Variants in ZNF385D observed in about 807,000 individuals in gnomAD.
ZNF385D encodes the protein zinc finger protein 659.
Under a neutral mutation model 35.8 loss-of-function variants are expected in ZNF385D, and 15 were observed. The ratio of observed to expected loss-of-function variants is 0.42; its 90% CI spans 0.28 to 0.64. The LOEUF (loss-of-function observed/expected upper bound fraction) is 0.64, where lower values mean the gene tolerates loss of function less well. Ranked by LOEUF, ZNF385D falls within the 30% of genes least tolerant of loss-of-function variation. ZNF385D has a pLI of 0.23. For synonymous variants in ZNF385D, 212 were observed against 186.8 expected, an observed-to-expected ratio of 1.13 and a Z score of -1.10; for missense variants, 474 against 494.6, an observed-to-expected ratio of 0.96 and a Z score of 0.39.
chr3:22,000,090 G>T (rs565804132), intron 3 of ZNF385D, among the ~76,000 whole-genome samples: 2 of 152,216 alleles, frequency 1.3e-5, no homozygotes, highest in South Asian at 4.1e-4. Flanking sequence ...CAGATCATGA[G>T]CTCAGGAGAT....
rs79051219 is a variant in ZNF385D at position 22,135,760 on chromosome 3, T to C, written c.325+33057A>G. ...ATAGAACTACAGTAATTGGCCATTG[T>C]AGTTTTGGTAAAAAAGTATAGACAC... On this transcript the variant is annotated intron_variant, in intron 3 of 5. Coordinates refer to the ZNF385D transcript ENST00000494108. Among the ~76,000 whole-genome samples the C allele has an allele frequency of 3.9e-5, 6 of 152,312 alleles. No homozygotes were observed. The East Asian group carries it at 1.2e-3, about 29-fold the overall frequency.
chr3:21,495,968 G>A (rs773661316), intron 4 of ZNF385D, among the ~76,000 whole-genome samples: 1 of 151,922 alleles, frequency 6.6e-6, no homozygotes, highest in African/African-American at 2.4e-5. Context: ...TAAATTCCTG[G>A]AAACATACAA....
At chr3:21,981,482 T>G (rs1038246179) in intron 3 of ZNF385D, among the ~76,000 whole-genome samples, 31 of 152,194 alleles carry the variant, frequency 2.0e-4, no homozygotes, top group African/African-American at 7.5e-4. Flanking sequence ...GTCAGATGCA[T>G]AGTTGGCAAA....
intron 3 of ZNF385D, among the ~76,000 whole-genome samples, chr3:21,782,887 G>C (rs923652476): frequency 2.0e-5 from 3 of 152,052 alleles, no homozygotes; most frequent in African/African-American, 7.2e-5. Flanking sequence ...ACTTAACCTG[G>C]TTATATCACA....
chr3:22,107,093 TG>T (rs1702262780), intron 3 of ZNF385D, among the ~76,000 whole-genome samples: 1 of 147,982 alleles, frequency 6.8e-6, no homozygotes, highest in African/African-American at 2.5e-5. Context: ...GGAGTGATCT[TG>T]GTTCACCACA....
chr3:21,974,417 A>T (rs963096771), intron 3 of ZNF385D, among the ~76,000 whole-genome samples: 1 of 152,156 alleles, frequency 6.6e-6, no homozygotes, highest in African/African-American at 2.4e-5. Context: ...AAATACAAAA[A>T]TCATACCAAA....
At position 21,711,039 on chromosome 3, in the gene ZNF385D, G is replaced by GTTTTTTTTTTTTTTTTT. The variant is rs869252663; in HGVS notation, c.22+39839_22+39855dup. Among the ~76,000 whole-genome samples, 212 of 83,132 alleles carry GTTTTTTTTTTTTTTTTT rather than the reference G, an allele frequency of 2.6e-3. 41 individuals carry two copies. The highest frequency in any genetic ancestry group is 7.2e-3 in the African/African-American group (140 of 19,484). The allele number at this position is 83,132 out of a possible 152,430, so 54.5% of individuals were successfully genotyped here. On this transcript the variant is annotated intron_variant, in intron 1 of 7. Transcript: ENST00000281523. ...TCTTAATTTCCTTATCCCTCTAAAA[G>GTTTTTTTTTTTTTTTTT]TTTTTTTTTTTTTTTTTTTTGAGAT... is the stretch of plus-strand genomic sequence containing the variant.
chr3:22,290,920 G>A (rs1461255159), intron 2 of ZNF385D, among the ~76,000 whole-genome samples: 2 of 152,064 alleles, frequency 1.3e-5, no homozygotes, highest in African/African-American at 4.8e-5. Flanking sequence ...TAATCAATAT[G>A]TATATTTTTG....
Position 21,465,167 on chromosome 3 carries a change from G to A in ZNF385D, c.440-27964C>T, listed in dbSNP as rs565787674. ...ATTTCTTTGCACGTAAGTTTTCACT[G>A]TGCCCTTGAACACAGTGAAAATTTA... On this transcript the variant is annotated intron_variant, in intron 4 of 7. Coordinates refer to ENST00000281523, the MANE Select transcript of ZNF385D (RefSeq NM_024697.3). This position sits in a 1 kb window ranked among gnomAD's most constrained non-coding sequence, Gnocchi z 4.2. Among the ~76,000 whole-genome samples the A allele has an allele frequency of 6.6e-6, 1 of 151,956 alleles. No individual in the cohort carries two copies. The highest frequency in any genetic ancestry group is 1.5e-5 in the Non-Finnish European group (1 of 67,994).
chr3:22,217,114 G>A (rs983374339), intron 2 of ZNF385D, among the ~76,000 whole-genome samples: 1 of 152,112 alleles, frequency 6.6e-6, no homozygotes. Flanking sequence ...AAAGGACAGT[G>A]AATTTGCAAG....
chr3:22,059,866 C>T (rs1364338690), intron 3 of ZNF385D, among the ~76,000 whole-genome samples: 1 of 152,156 alleles, frequency 6.6e-6, no homozygotes, highest in African/African-American at 2.4e-5. Flanking sequence ...GGAAGATTAG[C>T]ATTTGACTCA....
intron 2 of ZNF385D, among the ~76,000 whole-genome samples, chr3:22,341,059 AG>A (rs1488201019): frequency 6.6e-6 from 1 of 152,242 alleles, no homozygotes. Flanking sequence ...TATGATGGCT[AG>A]GGACTTAGAC....
intron 2 of ZNF385D, among the ~76,000 whole-genome samples, chr3:21,582,273 C>A (rs1223237344): frequency 2.0e-5 from 3 of 151,992 alleles, no homozygotes; most frequent in Non-Finnish European, 4.4e-5. Context: ...TGGTGGTTGG[C>A]ATATCACAAG....
rs918612351 is a variant in ZNF385D, at chr3:21,983,056, T to A, written c.325+185761A>T. Among the ~76,000 whole-genome samples the A allele has an allele frequency of 1.6e-4, 24 of 152,094 alleles. 1 individual carries two copies. The highest frequency in any genetic ancestry group is 4.8e-4 in the African/African-American group (20 of 41,538). ...GGATATTGGGCTGAAGTTTTCTTTT[T>A]TTGTTGTGTCTTTGCCAGGTTTGGG... On this transcript the variant is annotated intron_variant, in intron 3 of 5. Coordinates refer to the ZNF385D transcript ENST00000494108.
intron 3 of ZNF385D, among the ~76,000 whole-genome samples, chr3:22,115,410 G>C (rs1020235793): frequency 9.2e-5 from 14 of 151,964 alleles, no homozygotes; most frequent in African/African-American, 3.4e-4. Context: ...GTGTCCTTTG[G>C]ATTTTATTTA....
chr3:21,480,360 C>T (rs1447348798), intron 4 of ZNF385D, among the ~76,000 whole-genome samples: 8 of 152,070 alleles, frequency 5.3e-5, no homozygotes. Context: ...GCTTCAGCCT[C>T]CCAAAGTGCT....
At chr3:21,740,778 A>C (rs79849617) in intron 1 of ZNF385D, among the ~76,000 whole-genome samples, 30,249 of 152,168 alleles carry the variant, frequency 0.2, 3,079 homozygotes, top group Middle Eastern at 0.32. Context: ...CCAGGGCCTC[A>C]GGATGCTTAC....
chr3:22,163,463 C>A (rs1022239356), intron 3 of ZNF385D, among the ~76,000 whole-genome samples: 1 of 152,030 alleles, frequency 6.6e-6, no homozygotes, highest in African/African-American at 2.4e-5. Flanking sequence ...TGAGATGACA[C>A]GTAAATATGT....
chr3:22,183,836 G>GTT (rs1229512626), intron 2 of ZNF385D, among the ~76,000 whole-genome samples: 1 of 145,686 alleles, frequency 6.9e-6, no homozygotes, highest in Non-Finnish European at 1.5e-5. Context: ...TGTAGCTTTA[G>GTT]TTTTTTTTTT....
Sources: allele counts gnomAD v4.1 joint callset (sites outside exome capture counted in the v4.1 genomes callset), GRCh38; gene constraint gnomAD v4.1.1; non-coding constraint Gnocchi (gnomAD v3.1); transcripts MANE v1.5; gene names NCBI Gene and HGNC (gene_info 2026-07-23, HGNC 2026-07-21).